The following LMO3 variants were observed in gnomAD, a reference collection of about 807,000 sequenced individuals.
LMO3 encodes LIM domain only 3.
LMO3 carries 2 observed loss-of-function variants against 15.8 expected under a neutral mutation model. That is an observed-to-expected ratio of 0.13 (90% CI 0.05 to 0.40). The LOEUF (loss-of-function observed/expected upper bound fraction) is 0.40. Among genes scored for constraint, LMO3 ranks in the 10% least tolerant of loss-of-function variants. The pLI is 0.99. For synonymous variants in LMO3, 62 were observed against 63.8 expected (o/e 0.97, Z 0.13); for missense variants, 86 against 182.2 (o/e 0.47, Z 3.04).
At chr12:16,566,817 C>T (rs1249275274) in intron 2 of LMO3, among the ~76,000 whole-genome samples, 1 of 152,074 alleles carries the variant, frequency 6.6e-6, no homozygotes, top group Non-Finnish European at 1.5e-5. Flanking sequence ...CAAACATGCA[C>T]ATACACACAT....
intron 2 of LMO3, 53 bp downstream of exon 2, chr12:16,600,602 A>G: frequency 6.8e-7 from 1 of 1,477,890 alleles, no homozygotes; most frequent in Non-Finnish European, 9.4e-7. Flanking sequence ...TACACTTACA[A>G]AAGTACTTTA....
chr12:16,560,896 T>C lies in LMO3; in HGVS notation c.207-358A>G. The C allele has an allele frequency of 5.1e-6, 1 of 196,168 alleles. No homozygotes were observed. The highest frequency in any genetic ancestry group is 1.1e-5 in the Non-Finnish European group (1 of 92,532). 12.2% of individuals were successfully genotyped at this position (196,168 alleles called of 1,614,324 possible). A position where few individuals can be genotyped will look rare whatever the true frequency, so the allele number is the denominator to read the frequency against. On this transcript the variant is annotated intron_variant, in intron 2 of 3. Coordinates refer to ENST00000537304, the MANE Select transcript of LMO3 (RefSeq NM_018640.5). This position sits in a 1 kb window ranked among gnomAD's most constrained non-coding sequence, Gnocchi z 5.0. The stretch of plus-strand genomic sequence containing the variant: ...ATAACTTTGCTCTTAATGTTATATA[T>C]TAAACATTTTAGTTGGGAAAGGAAC...
chr12:16,605,531 C>T (rs1265422051), intron 1 of LMO3: 9 of 448,012 alleles, frequency 2.0e-5, no homozygotes, highest in East Asian at 5.5e-5. Flanking sequence ...GAGGCAGAAG[C>T]GTCAACAAGG....
At chr12:16,562,035 T>C (rs1942426116) in intron 2 of LMO3, among the ~76,000 whole-genome samples, 1 of 152,234 alleles carries the variant, frequency 6.6e-6, no homozygotes, top group Non-Finnish European at 1.5e-5. Context: ...GTAACCTTCA[T>C]GTTCTCCTTT....
In LMO3 at chr12:16,587,988, T is replaced by A. The variant is rs1042684396; in HGVS notation, c.206+12667A>T. Reference sequence around the variant, plus strand: ...GCTTAAAAAGTCCCTTTCTTTCAGATAATTACCCTGTCTTTCTCTTACGAC... The same window carrying A: ...GCTTAAAAAGTCCCTTTCTTTCAGAAAATTACCCTGTCTTTCTCTTACGAC... On this transcript the variant is annotated intron_variant, in intron 2 of 3. Coordinates refer to ENST00000537304, the MANE Select transcript of LMO3 (RefSeq NM_018640.5). This position sits in a 1 kb window ranked among gnomAD's most constrained non-coding sequence, Gnocchi z 4.3. 6.6e-6 allele frequency among the ~76,000 whole-genome samples: 1 copy of A among 152,140 alleles called. No individual in the cohort carries two copies. Among genetic ancestry groups the A allele is most frequent in the African/African-American group, 2.4e-5 (1 of 41,456 alleles).
intron 2 of LMO3, among the ~76,000 whole-genome samples, chr12:16,566,527 T>G (rs886451941): frequency 2.0e-5 from 3 of 152,046 alleles, no homozygotes; most frequent in Admixed American, 6.6e-5. Context: ...CCTAGAAATA[T>G]GTACCATTAT....
rs746145566 is a variant in LMO3 at position 16,600,874 on chromosome 12, G to C, written c.-8-6C>G. 1 of 1,611,512 alleles carries C rather than the reference G, an allele frequency of 6.2e-7. No individual in the cohort carries two copies. Among genetic ancestry groups the C allele is most frequent in the South Asian group, 1.1e-5 (1 of 90,910 alleles). On this transcript the variant is annotated splice_polypyrimidine_tract_variant and splice_region_variant and intron_variant, in intron 1 of 3. Transcript: ENST00000537304. The stretch of plus-strand genomic sequence containing the variant: ...GACTGAGAGCATTTGTATACCTAAA[G>C]GAAGACAAAAGCAAAAAAGAGAGCT...
chr12:16,577,858 G>A (rs1943042215), intron 2 of LMO3, among the ~76,000 whole-genome samples: 1 of 152,122 alleles, frequency 6.6e-6, no homozygotes, highest in Non-Finnish European at 1.5e-5. Flanking sequence ...TCTTCTAAAT[G>A]TGTCACCTAA....
In LMO3 at chr12:16,559,280, TA is replaced by T; in HGVS notation, c.332+1132del. ...GTTCTAAAATCCTCTCCATTTATCA[TA>T]TAAAACAGGTGCCAGTAGTATATAG... On this transcript the variant is annotated intron_variant, in intron 3 of 3. Transcript: ENST00000537304. This position sits in a 1 kb window ranked among gnomAD's most constrained non-coding sequence, Gnocchi z 4.1. Among the ~76,000 whole-genome samples, 1 of 152,316 alleles carries T rather than the reference TA, an allele frequency of 6.6e-6. No individual in the cohort carries two copies. Among genetic ancestry groups the T allele is most frequent in the African/African-American group, 2.4e-5 (1 of 41,578 alleles).
chr12:16,600,518 C>T (rs980875562), intron 2 of LMO3, 137 bp downstream of exon 2: 2 of 697,866 alleles, frequency 2.9e-6, no homozygotes, highest in Admixed American at 2.5e-5. Context: ...CAGGGCAACG[C>T]TTTGAAGGCT....
intron 3 of LMO3, among the ~76,000 whole-genome samples, chr12:16,557,044 T>C (rs1468742188): frequency 1.3e-5 from 2 of 152,234 alleles, no homozygotes; most frequent in Non-Finnish European, 2.9e-5. Flanking sequence ...TGAGTTCTCC[T>C]GAGGAGACAG....
intron 1 of LMO3, chr12:16,605,105 C>A: frequency 1.4e-6 from 2 of 1,436,156 alleles, no homozygotes; most frequent in Non-Finnish European, 1.8e-6. Context: ...CAAGACAGGG[C>A]GCACACACGG....
upstream of LMO3, chr12:16,608,584 GACAA>G (rs1340788954): frequency 6.6e-6 from 1 of 152,012 alleles, no homozygotes; most frequent in African/African-American, 2.4e-5. This position sits in a 1 kb window ranked among gnomAD's most constrained non-coding sequence, Gnocchi z 4.1. Flanking sequence ...TTTCTTAAGG[GACAA>G]ACACCCAGAT....
rs1169967740 is a variant in LMO3 at position 16,593,855 on chromosome 12, A to G, written c.206+6800T>C. On this transcript the variant is annotated intron_variant, in intron 2 of 3. Transcript: ENST00000537304. This position sits in a 1 kb window ranked among gnomAD's most constrained non-coding sequence, Gnocchi z 4.2. The stretch of plus-strand genomic sequence containing the variant: ...ACTTCAAAATAAGCTTCGTGTAAGC[A>G]CCTTGAAAAGGGAAATACATGGTTA... Among the ~76,000 whole-genome samples, 2 of 151,774 alleles carry G rather than the reference A, an allele frequency of 1.3e-5. No homozygotes were observed. Among genetic ancestry groups the G allele is most frequent in the African/African-American group, 4.8e-5 (2 of 41,408 alleles).
At chr12:16,574,003 T>G (rs1039043674) in intron 2 of LMO3, 2 of 152,216 alleles carry the variant, frequency 1.3e-5, no homozygotes, top group African/African-American at 4.8e-5. Context: ...ATTACTCCAC[T>G]GCCTAATTGC....
chr12:16,578,804 C>T (rs550473077), intron 2 of LMO3, among the ~76,000 whole-genome samples: 6 of 149,528 alleles, frequency 4.0e-5, no homozygotes, highest in Non-Finnish European at 7.4e-5. Context: ...GGAGACAGAG[C>T]GAGATTCTGT....
At chr12:16,577,346 A>T (rs1307099053) in intron 2 of LMO3, among the ~76,000 whole-genome samples, 1 of 152,168 alleles carries the variant, frequency 6.6e-6, no homozygotes, top group Non-Finnish European at 1.5e-5. Context: ...CAATTCTTCC[A>T]TGAAGGCCTC....
At chr12:16,556,796 AT>A (rs1157332149) in intron 3 of LMO3, among the ~76,000 whole-genome samples, 1 of 152,170 alleles carries the variant, frequency 6.6e-6, no homozygotes, top group African/African-American at 2.4e-5. Context: ...ACTGATGAAG[AT>A]TAGCTGACTT....
chr12:16,553,536 T>G (rs1229347398), intron 3 of LMO3, among the ~76,000 whole-genome samples: 1 of 152,164 alleles, frequency 6.6e-6, no homozygotes. Flanking sequence ...ATTACTAATA[T>G]GTTATCAACT....
Sources: allele counts gnomAD v4.1 joint callset (sites outside exome capture counted in the v4.1 genomes callset), GRCh38; gene constraint gnomAD v4.1.1; non-coding constraint Gnocchi (gnomAD v3.1); transcripts MANE v1.5; gene names NCBI Gene and HGNC (gene_info 2026-07-23, HGNC 2026-07-21).